The following FYB2 variants were observed in gnomAD, a reference collection of about 807,000 sequenced individuals.
FYB2 encodes FYN-binding protein 2.
FYB2 carries 103 observed loss-of-function variants against 94.1 expected under a neutral mutation model. The ratio of observed to expected loss-of-function variants is 1.09; its 90% CI spans 0.93 to 1.29. The LOEUF (loss-of-function observed/expected upper bound fraction) is 1.29. FYB2 is among the 50% of genes most tolerant of loss of function. The pLI, the probability that FYB2 is intolerant of heterozygous loss-of-function variation, is 0.00. For synonymous variants in FYB2, 293 were observed against 287.9 expected (o/e 1.02, Z -0.18); for missense variants, 896 against 841.5 (o/e 1.06, Z -0.80).
chr1:56,744,159 T>C lies in FYB2; in HGVS notation c.1495A>G (p.Lys499Glu), dbSNP rs1187744698. Reference protein sequence around the residue: ...EIYDDVEYSRKEVPKLNYSSS... With the variant: ...EIYDDVEYSREEVPKLNYSSS... ...GACTGGAATGTTACTTACACCTCTT[T>C]CCTGGAGTACTCGACATCATCATAT... Residue 499 changes from lysine to glutamate, a missense_variant, in exon 10 of 20, where the codon AAA becomes GAA. Transcript: ENST00000343433. 3 of 1,612,500 alleles carry C rather than the reference T, an allele frequency of 1.9e-6. No individual in the cohort carries two copies. The highest frequency in any genetic ancestry group is 1.7e-4 in the Middle Eastern group (1 of 6,048).
intron 16 of FYB2, among the ~76,000 whole-genome samples, chr1:56,724,186 G>T (rs1430689280): frequency 6.6e-6 from 1 of 151,902 alleles, no homozygotes; most frequent in African/African-American, 2.4e-5. Context: ...AAACCTAATT[G>T]GGGATCACAA....
chr1:56,806,688 G>A (rs1646655210), intron 1 of FYB2, among the ~76,000 whole-genome samples: 3 of 152,098 alleles, frequency 2.0e-5, no homozygotes, highest in Non-Finnish European at 4.4e-5. Flanking sequence ...AAAAACAAAG[G>A]GAGATAACTA....
chr1:56,729,387 G>A (rs1486730147), intron 15 of FYB2, among the ~76,000 whole-genome samples: 3 of 152,054 alleles, frequency 2.0e-5, no homozygotes, highest in Admixed American at 6.6e-5. Flanking sequence ...AGAGGAGAAG[G>A]AATAACAGAT....
chr1:56,725,700 G>A (rs1644570630), intron 16 of FYB2, among the ~76,000 whole-genome samples: 1 of 151,924 alleles, frequency 6.6e-6, no homozygotes, highest in Admixed American at 6.6e-5. Context: ...TAAACTTAAA[G>A]AAAATAAACT....
intron 15 of FYB2, among the ~76,000 whole-genome samples, chr1:56,726,950 GTTT>G (rs5774301): frequency 3.9e-5 from 5 of 128,222 alleles, no homozygotes; most frequent in Admixed American, 1.9e-4. Context: ...GTTTTGTTTT[GTTT>G]TTTTTTTTGC....
chr1:56,813,851 C>T (rs1296224191), intron 1 of FYB2, among the ~76,000 whole-genome samples: 1 of 152,128 alleles, frequency 6.6e-6, no homozygotes, highest in Non-Finnish European at 1.5e-5. Flanking sequence ...GGGACACAGA[C>T]AAATTAATTA....
chr1:56,819,582 C>T (rs1242643359), upstream of FYB2: 5 of 549,980 alleles, frequency 9.1e-6, no homozygotes, highest in South Asian at 4.3e-5. Flanking sequence ...TCTCAGCAAG[C>T]GGCTCTTCCC....
chr1:56,781,048 C>T (rs1386530343), intron 4 of FYB2, among the ~76,000 whole-genome samples: 1 of 152,216 alleles, frequency 6.6e-6, no homozygotes, highest in Non-Finnish European at 1.5e-5. Flanking sequence ...TGTTGTTCGT[C>T]AATCAGGTCA....
intron 8 of FYB2, among the ~76,000 whole-genome samples, chr1:56,753,569 G>A (rs1645251938): frequency 6.6e-6 from 1 of 152,082 alleles, no homozygotes; most frequent in Admixed American, 6.6e-5. Context: ...CCTGAGAGTG[G>A]GTACTGCCTT....
Position 56,719,265 on chromosome 1 carries a change from G to A in FYB2, c.*406C>T, listed in dbSNP as rs1644441554. The stretch of plus-strand genomic sequence containing the variant: ...ACTGTTCAGAATTAAATTATACCAA[G>A]TTTGAGTGCACAACATCTAGAAATT... On this transcript the variant is annotated 3_prime_UTR_variant, in exon 20 of 20. Coordinates refer to ENST00000343433, the MANE Select transcript of FYB2 (RefSeq NM_001004303.5). 1 of 162,834 alleles carries A rather than the reference G, an allele frequency of 6.1e-6. No homozygotes were observed. Among genetic ancestry groups the A allele is most frequent in the South Asian group, 1.9e-4 (1 of 5,212 alleles). 10.1% of individuals were successfully genotyped at this position (162,834 alleles called of 1,614,324 possible).
At chr1:56,807,199 T>A (rs911388667) in intron 1 of FYB2, among the ~76,000 whole-genome samples, 91 of 152,206 alleles carry the variant, frequency 6.0e-4, no homozygotes, top group Non-Finnish European at 7.3e-5. Flanking sequence ...TTTATGACAG[T>A]TTTATTTAAA....
chr1:56,738,639 A>C lies in FYB2; in HGVS notation c.1718T>G (p.Leu573Trp), dbSNP rs1350275442. Residue 573 changes from leucine to tryptophan, a missense_variant, in exon 14 of 20, where the codon TTG becomes TGG. Coordinates refer to ENST00000343433, the MANE Select transcript of FYB2 (RefSeq NM_001004303.5). The part of the protein sequence containing the change: ...SKENLSAFSI[L>W]LPDLELKSQE... ...ATGGCACTTACCTAAATCAGGCAGCAAAATGGAAAATGCACTGTTGATTGA... is the reference window on the plus strand; with the variant it reads ...ATGGCACTTACCTAAATCAGGCAGCCAAATGGAAAATGCACTGTTGATTGA... The C allele has an allele frequency of 6.2e-7, 1 of 1,610,948 alleles. No individual in the cohort carries two copies. The highest frequency in any genetic ancestry group is 8.5e-7 in the Non-Finnish European group (1 of 1,178,392).
chr1:56,788,924 G>C, intron 3 of FYB2, 49 bp downstream of exon 3: 3 of 1,604,658 alleles, frequency 1.9e-6, no homozygotes, highest in Non-Finnish European at 2.6e-6. Context: ...ATGTGGAGAC[G>C]GAGGTGACTC....
intron 1 of FYB2, among the ~76,000 whole-genome samples, chr1:56,796,147 T>C (rs1646392065): frequency 6.6e-6 from 1 of 152,212 alleles, no homozygotes; most frequent in African/African-American, 2.4e-5. Context: ...AGCTCAGCCA[T>C]ACATCAAATT....
At chr1:56,815,738 C>A (rs1476873823) in intron 1 of FYB2, among the ~76,000 whole-genome samples, 1 of 152,154 alleles carries the variant, frequency 6.6e-6, no homozygotes, top group African/African-American at 2.4e-5. Flanking sequence ...TTGTGCAAAT[C>A]ACTTATAAGA....
rs563527032 is a variant in FYB2, at chr1:56,773,536, G to A, written c.954-5598C>T. ...TCATTTCCTCATAGAGTCACTGTGA[G>A]GGTTTAGTGTGGGAATAACTGAATC... On this transcript the variant is annotated intron_variant, in intron 4 of 19. Transcript: ENST00000343433. 1.5e-4 allele frequency among the ~76,000 whole-genome samples: 23 copies of A among 152,238 alleles called. No homozygotes were observed. In the South Asian group the frequency reaches 1.9e-3, roughly 12 times the overall value.
chr1:56,809,257 G>A (rs926615009), intron 1 of FYB2, among the ~76,000 whole-genome samples: 6 of 152,228 alleles, frequency 3.9e-5, no homozygotes, highest in African/African-American at 1.4e-4. Context: ...TGCCAACTAT[G>A]TACAAGGTAT....
intron 1 of FYB2, among the ~76,000 whole-genome samples, chr1:56,808,111 G>T (rs1389528461): frequency 6.6e-6 from 1 of 152,120 alleles, no homozygotes; most frequent in African/African-American, 2.4e-5. Flanking sequence ...ATACCACACT[G>T]GGTTAGGCCC....
At chr1:56,753,983 A>G (rs1009415347) in intron 7 of FYB2, 48 bp from the exon 8 acceptor site, 28 of 1,174,814 alleles carry the variant, frequency 2.4e-5, no homozygotes, top group Non-Finnish European at 3.4e-5. Context: ...TAGAGTGTTT[A>G]AATGATAGTG....
Sources: allele counts gnomAD v4.1 joint callset (sites outside exome capture counted in the v4.1 genomes callset), GRCh38; gene constraint gnomAD v4.1.1; transcripts MANE v1.5; gene names NCBI Gene and HGNC (gene_info 2026-07-23, HGNC 2026-07-21).